The following DIPK1A variants were observed in gnomAD, a reference collection of about 807,000 sequenced individuals.
DIPK1A encodes the protein family with sequence similarity 69 member A.
Under a neutral mutation model 40.8 loss-of-function variants are expected in DIPK1A, and 27 were observed. The observed-to-expected ratio is 0.66, with a 90% CI of 0.49 to 0.91. DIPK1A has a LOEUF of 0.91. DIPK1A is among the 40% of genes least tolerant of loss of function. The pLI is 0.00. For missense variants in DIPK1A, 412 were observed against 505.7 expected, an observed-to-expected ratio of 0.81 and a Z score of 1.78; for synonymous variants, 166 against 171.3, an observed-to-expected ratio of 0.97 and a Z score of 0.24.
intron 1 of DIPK1A, among the ~76,000 whole-genome samples, chr1:92,945,340 CA>C (rs1421762292): frequency 6.6e-6 from 1 of 152,096 alleles, no homozygotes; most frequent in Non-Finnish European, 1.5e-5. Flanking sequence ...AGCTACATTT[CA>C]AACAGGAAAC....
At chr1:92,862,284 A>G (rs1327043580) in intron 2 of DIPK1A, among the ~76,000 whole-genome samples, 1 of 152,062 alleles carries the variant, frequency 6.6e-6, no homozygotes, top group African/African-American at 2.4e-5. Flanking sequence ...CAATCTATCA[A>G]AGACTGAACC....
intron 1 of DIPK1A, among the ~76,000 whole-genome samples, chr1:92,888,169 A>G (rs1167502979): frequency 6.6e-6 from 1 of 151,900 alleles, no homozygotes; most frequent in Non-Finnish European, 1.5e-5. Flanking sequence ...CTGTTAACCA[A>G]TCCTTGGTTA....
intron 3 of DIPK1A, among the ~76,000 whole-genome samples, chr1:92,847,611 T>C (rs1687682414): frequency 6.6e-6 from 1 of 152,216 alleles, no homozygotes; most frequent in Non-Finnish European, 1.5e-5. Flanking sequence ...ATGAGAAGGA[T>C]GTAAGGCAAA....
intron 4 of DIPK1A, among the ~76,000 whole-genome samples, chr1:92,845,031 A>C (rs1306372928): frequency 1.5e-5 from 2 of 130,352 alleles, no homozygotes; most frequent in Non-Finnish European, 3.1e-5. Context: ...TGCAAGCTCC[A>C]CCTCCCAGGT....
chr1:92,939,597 C>T (rs2100888133), intron 1 of DIPK1A, among the ~76,000 whole-genome samples: 1 of 152,276 alleles, frequency 6.6e-6, no homozygotes, highest in East Asian at 1.9e-4. Flanking sequence ...CCCCCTTCCA[C>T]CCAATGATAC....
At chr1:92,840,382 T>C (rs1198089155), downstream of DIPK1A, 1 of 608,188 alleles carries the variant, frequency 1.6e-6, no homozygotes, top group Non-Finnish European at 2.9e-6. Context: ...AATTGGGAAT[T>C]TGTTAGGAAA....
chr1:92,890,336 G>A (rs1458308085), intron 1 of DIPK1A, among the ~76,000 whole-genome samples: 1 of 152,122 alleles, frequency 6.6e-6, no homozygotes, highest in East Asian at 1.9e-4. Context: ...GCTCTAGCTA[G>A]GACTTCCAGT....
chr1:92,849,992 A>ACACT (rs1341195645), intron 3 of DIPK1A, among the ~76,000 whole-genome samples: 1 of 151,100 alleles, frequency 6.6e-6, no homozygotes, highest in Non-Finnish European at 1.5e-5. Context: ...ATTTTTTGAG[A>ACACT]CACTCACTCA....
intron 4 of DIPK1A, among the ~76,000 whole-genome samples, chr1:92,846,815 A>ATGTGTGTGTG (rs1383151561): frequency 2.2e-4 from 1 of 4,588 alleles, no homozygotes; most frequent in African/African-American, 1.6e-3. Context: ...ATATATATAT[A>ATGTGTGTGTG]TATATATATA....
At chr1:92,896,574 C>A (rs1188081391) in intron 1 of DIPK1A, among the ~76,000 whole-genome samples, 5 of 149,394 alleles carry the variant, frequency 3.3e-5, no homozygotes, top group Non-Finnish European at 6.0e-5. Context: ...CTAGGCAATA[C>A]CATTCAGGAC....
At position 92,836,209 on chromosome 1, in the gene DIPK1A, T is replaced by C. The variant is rs1687118423; in HGVS notation, c.475-3175A>G. On this transcript the variant is annotated intron_variant, in intron 4 of 4. Transcript: ENST00000615519. The stretch of plus-strand genomic sequence containing the variant: ...GAATAGCTTCTCAATAGGTTTGGCA[T>C]GGACAAGATCTATGAAGGCCAAGTG... 3 of 1,612,636 alleles carry C rather than the reference T, an allele frequency of 1.9e-6. No homozygotes were observed. Among genetic ancestry groups the C allele is most frequent in the Non-Finnish European group, 2.5e-6 (3 of 1,179,860 alleles).
chr1:92,887,580 C>T (rs1648669048), intron 1 of DIPK1A, among the ~76,000 whole-genome samples: 1 of 152,164 alleles, frequency 6.6e-6, no homozygotes, highest in South Asian at 2.1e-4. Flanking sequence ...AAAATGATGT[C>T]CTGAAGTCAA....
At chr1:92,873,849 C>A (rs1161806004) in intron 2 of DIPK1A, among the ~76,000 whole-genome samples, 1 of 152,064 alleles carries the variant, frequency 6.6e-6, no homozygotes, top group Non-Finnish European at 1.5e-5. Flanking sequence ...GTAGGTGGGA[C>A]AACATGTGCA....
At chr1:92,842,120 C>T (rs1041338848), downstream of DIPK1A, 4 of 850,600 alleles carry the variant, frequency 4.7e-6, no homozygotes, top group Middle Eastern at 5.2e-4. Flanking sequence ...TGATGAACAG[C>T]TCTCCCTAAA....
At chr1:92,940,655 A>G (rs1651117765) in intron 1 of DIPK1A, among the ~76,000 whole-genome samples, 1 of 152,252 alleles carries the variant, frequency 6.6e-6, no homozygotes, top group Non-Finnish European at 1.5e-5. Context: ...TGAAAACTAT[A>G]TACCCCCTTG....
At chr1:92,913,135 C>T (rs1649901630) in intron 1 of DIPK1A, among the ~76,000 whole-genome samples, 1 of 152,062 alleles carries the variant, frequency 6.6e-6, no homozygotes, top group Non-Finnish European at 1.5e-5. Context: ...TTATTTACAG[C>T]TATCTTATTC....
chr1:92,834,654 C>A, intron 4 of DIPK1A: 1 of 1,310,872 alleles, frequency 7.6e-7, no homozygotes. Context: ...AGCTAAGAGT[C>A]TTAAGCATTT....
intron 1 of DIPK1A, among the ~76,000 whole-genome samples, chr1:92,939,801 A>G (rs991055263): frequency 2.6e-5 from 4 of 152,162 alleles, no homozygotes; most frequent in African/African-American, 9.7e-5. Context: ...CAAAAAACAC[A>G]AAAATTAGCC....
At chr1:92,861,799 T>G (rs1434994185) in intron 2 of DIPK1A, among the ~76,000 whole-genome samples, 1 of 151,978 alleles carries the variant, frequency 6.6e-6, no homozygotes, top group East Asian at 1.9e-4. Context: ...CAATCTTTTT[T>G]GAGACAGGGT....
Sources: gnomAD v4.1 joint callset for allele counts (sites outside exome capture counted in the v4.1 genomes callset) on GRCh38, gnomAD v4.1.1 for gene constraint, MANE v1.5 for transcripts, NCBI Gene and HGNC (gene_info 2026-07-23, HGNC 2026-07-21) for gene names.